Variants in SORT1 observed in about 807,000 individuals in gnomAD.
SORT1 encodes the protein sortilin 1.
SORT1 carries 39 observed loss-of-function variants against 101.7 expected under a neutral mutation model. The ratio of observed to expected loss-of-function variants is 0.38; its 90% confidence interval spans 0.30 to 0.50. SORT1 has a LOEUF of 0.50. SORT1 is among the 20% of genes least tolerant of loss of function. The pLI is 0.90. For synonymous variants in SORT1, 396 were observed against 393.7 expected (o/e 1.01, Z -0.07); for missense variants, 878 against 1,040.4 (o/e 0.84, Z 2.15).
intron 17 of SORT1, 46 bp from the exon 18 acceptor site, chr1:109,314,824 C>T (rs767045435): frequency 9.3e-7 from 1 of 1,071,784 alleles, no homozygotes; most frequent in South Asian, 1.3e-5. Context: ...GCATGCATAT[C>T]CTAGGACTGA....
At chr1:109,320,123 C>A (rs2101535355) in intron 15 of SORT1, among the ~76,000 whole-genome samples, 1 of 152,206 alleles carries the variant, frequency 6.6e-6, no homozygotes, top group African/African-American at 2.4e-5. Flanking sequence ...TTGCCGGGGG[C>A]AGGGGGCAGG....
chr1:109,373,192 A>C (rs1651601714), intron 1 of SORT1, among the ~76,000 whole-genome samples: 1 of 152,158 alleles, frequency 6.6e-6, no homozygotes, highest in African/African-American at 2.4e-5. Context: ...CCTACAGCTA[A>C]CTGGCTTACT....
chr1:109,394,060 G>A (rs6537757), intron 1 of SORT1, among the ~76,000 whole-genome samples: 106,260 of 151,994 alleles, frequency 0.7, 37,690 homozygotes, highest in East Asian at 0.96. Context: ...TCAAATGCAG[G>A]CAGTCCAGAT....
intron 6 of SORT1, 38 bp from the exon 7 acceptor site, chr1:109,347,570 A>T: frequency 7.1e-7 from 1 of 1,413,648 alleles, no homozygotes; most frequent in East Asian, 2.3e-5. Flanking sequence ...AAATGGTTTA[A>T]GACTGCTGAA....
chr1:109,325,872 ATGCCTGTAATCTCAGC>A (rs1325957044), intron 13 of SORT1, among the ~76,000 whole-genome samples: 6 of 151,970 alleles, frequency 3.9e-5, no homozygotes, highest in Admixed American at 3.9e-4. Flanking sequence ...GTGGTGGTGC[ATGCCTGTAATCTCAGC>A]TGCTCAGGTG....
At chr1:109,322,570 C>T (rs1647702954) in intron 15 of SORT1, among the ~76,000 whole-genome samples, 3 of 152,174 alleles carry the variant, frequency 2.0e-5, no homozygotes, top group Admixed American at 6.5e-5. Context: ...GCTCTGTCCC[C>T]CAGGCTGGAG....
intron 6 of SORT1, among the ~76,000 whole-genome samples, chr1:109,348,391 A>G (rs1401331166): frequency 1.3e-5 from 2 of 151,908 alleles, no homozygotes; most frequent in African/African-American, 2.4e-5. Flanking sequence ...TTTAGACACT[A>G]AACAAAAAAA....
chr1:109,327,937 T>C (rs1409170800), intron 11 of SORT1, among the ~76,000 whole-genome samples: 1 of 152,252 alleles, frequency 6.6e-6, no homozygotes, highest in African/African-American at 2.4e-5. Flanking sequence ...TTGGCTACTC[T>C]AGGTAGCTCA....
chr1:109,364,571 G>A (rs1177941116), intron 3 of SORT1, among the ~76,000 whole-genome samples: 1 of 152,118 alleles, frequency 6.6e-6, no homozygotes, highest in African/African-American at 2.4e-5. Flanking sequence ...AAAATGAGGG[G>A]TTACCAGCAG....
Position 109,340,779 on chromosome 1 carries a change from G to A in SORT1, c.1209C>T (p.Asp403=). ...HLYTTTGGET[D]FTNVTSLRGV... is the part of the protein sequence containing the mutation. The stretch of plus-strand genomic sequence containing the variant: ...CGCGGAGGGAGGTCACGTTGGTAAA[G>A]TCCGTCTCTCCGCCTGTGGTAGTGT... The change falls in exon 10 of 20, where the codon GAC becomes GAT. Residue 403 remains aspartate, a synonymous_variant. Coordinates refer to ENST00000256637, the MANE Select transcript of SORT1 (RefSeq NM_002959.7). 6.2e-7 allele frequency: 1 copy of A among 1,614,114 alleles called. No homozygotes were observed. The highest frequency in any genetic ancestry group is 8.5e-7 in the Non-Finnish European group (1 of 1,180,016).
intron 13 of SORT1, among the ~76,000 whole-genome samples, chr1:109,325,866 T>TGGTGC (rs954942935): frequency 3.3e-5 from 5 of 151,986 alleles, no homozygotes; most frequent in Non-Finnish European, 4.4e-5. Flanking sequence ...CTGGGTGTGG[T>TGGTGC]GGTGCATGCC....
intron 6 of SORT1, among the ~76,000 whole-genome samples, chr1:109,350,164 C>T (rs1649866339): frequency 6.6e-6 from 1 of 152,152 alleles, no homozygotes; most frequent in Non-Finnish European, 1.5e-5. Flanking sequence ...CTGGGATTCA[C>T]AAATTAGCTG....
At chr1:109,363,918 G>T (rs1650908982) in intron 3 of SORT1, among the ~76,000 whole-genome samples, 1 of 152,146 alleles carries the variant, frequency 6.6e-6, no homozygotes, top group Admixed American at 6.5e-5. Flanking sequence ...TGACATGGTT[G>T]ACTTGGTTGG....
intron 17 of SORT1, among the ~76,000 whole-genome samples, chr1:109,315,109 G>A (rs1214290411): frequency 2.0e-5 from 3 of 152,302 alleles, no homozygotes; most frequent in East Asian, 1.9e-4. Context: ...GGGCTTAAGG[G>A]TGGAGTAGGA....
chr1:109,373,280 G>A (rs896265782), intron 1 of SORT1, among the ~76,000 whole-genome samples: 2 of 152,146 alleles, frequency 1.3e-5, no homozygotes, highest in Non-Finnish European at 2.9e-5. Flanking sequence ...ACTGAAGAGA[G>A]GAAGCTGATA....
chr1:109,322,828 C>A, intron 15 of SORT1, 104 bp downstream of exon 15: 1 of 938,750 alleles, frequency 1.1e-6, no homozygotes, highest in Non-Finnish European at 1.6e-6. Context: ...GTGTGAGCCA[C>A]CGCACCCGGC....
At chr1:109,331,143 A>C (rs1023944451) in intron 11 of SORT1, among the ~76,000 whole-genome samples, 3 of 152,294 alleles carry the variant, frequency 2.0e-5, no homozygotes, top group East Asian at 3.9e-4. Context: ...CCTGCTACCA[A>C]AACCAGACAA....
At chr1:109,381,936 T>C (rs994747760) in intron 1 of SORT1, among the ~76,000 whole-genome samples, 11 of 152,126 alleles carry the variant, frequency 7.2e-5, no homozygotes, top group Admixed American at 2.6e-4. Flanking sequence ...TAAGTGGTAT[T>C]ATAGAATTGA....
chr1:109,331,870 T>C (rs1388106341), intron 11 of SORT1, among the ~76,000 whole-genome samples: 1 of 148,408 alleles, frequency 6.7e-6, no homozygotes, highest in East Asian at 2.0e-4. Context: ...AAAAATACAA[T>C]ATACACTAAC....
Sources: allele counts gnomAD v4.1 joint callset (sites outside exome capture counted in the v4.1 genomes callset), GRCh38; gene constraint gnomAD v4.1.1; transcripts MANE v1.5; gene names NCBI Gene and HGNC (gene_info 2026-07-23, HGNC 2026-07-21).